Variants in ANKS1B observed in about 807,000 individuals in gnomAD.
ANKS1B encodes ankyrin repeat and sterile alpha motif domain containing 1B, also known as ankyrin repeat and sterile alpha motif domain-containing protein 1B.
In ANKS1B, 36 loss-of-function variants were observed where a neutral mutation model predicts 148.3. That is an observed-to-expected ratio of 0.24 (90% CI 0.19 to 0.32). The LOEUF is 0.32. Among genes scored for constraint, ANKS1B ranks in the 10% least tolerant of loss-of-function variants. The pLI is 1.00. For missense variants in ANKS1B, 1,157 were observed against 1,542.6 expected, an observed-to-expected ratio of 0.75 and a Z score of 4.19; for synonymous variants, 542 against 560.8, an observed-to-expected ratio of 0.97 and a Z score of 0.47.
At chr12:98,881,853 C>T (rs2099708891) in intron 17 of ANKS1B, among the ~76,000 whole-genome samples, 1 of 151,944 alleles carries the variant, frequency 6.6e-6, no homozygotes, top group Non-Finnish European at 1.5e-5. Context: ...CTAGATTTAC[C>T]AGTGTAAGTG....
chr12:99,971,606 CA>C (rs200612388), intron 1 of ANKS1B, among the ~76,000 whole-genome samples: 433 of 109,014 alleles, frequency 4.0e-3, no homozygotes, highest in Non-Finnish European at 4.6e-3. Context: ...TAATTCAGGC[CA>C]AAAAAAAAAA....
At chr12:99,613,135 C>T (rs951120309) in intron 9 of ANKS1B, among the ~76,000 whole-genome samples, 3 of 152,112 alleles carry the variant, frequency 2.0e-5, no homozygotes, top group African/African-American at 7.2e-5. Flanking sequence ...GGCTAATCTT[C>T]AAGTAATTTC....
At chr12:99,463,394 T>C (rs1189901084) in intron 10 of ANKS1B, among the ~76,000 whole-genome samples, 1 of 152,224 alleles carries the variant, frequency 6.6e-6, no homozygotes, top group Non-Finnish European at 1.5e-5. Flanking sequence ...CATTTCCATC[T>C]GAGGTACCGG....
At chr12:99,064,274 AG>A (rs1470151799) in intron 16 of ANKS1B, among the ~76,000 whole-genome samples, 12 of 152,264 alleles carry the variant, frequency 7.9e-5, no homozygotes, top group Admixed American at 2.0e-4. Context: ...AAATGAATTA[AG>A]GTCTATTCCA....
chr12:99,603,710 A>G (rs1050529046), intron 9 of ANKS1B, among the ~76,000 whole-genome samples: 2 of 152,192 alleles, frequency 1.3e-5, no homozygotes, highest in South Asian at 2.1e-4. Flanking sequence ...TTACAAAGTT[A>G]TACTTTACCA....
At chr12:98,976,654 T>A (rs2099896691) in intron 17 of ANKS1B, 2 of 152,118 alleles carry the variant, frequency 1.3e-5, no homozygotes. Flanking sequence ...AGCAGATGCA[T>A]TTCCAGATAA....
chr12:99,255,796 TAATTG>T (rs1014423589), intron 12 of ANKS1B, among the ~76,000 whole-genome samples: 3 of 152,166 alleles, frequency 2.0e-5, no homozygotes, highest in Non-Finnish European at 4.4e-5. Context: ...TAATTTAACT[TAATTG>T]AATTATTTTT....
chr12:98,851,654 T>G (rs957269529), intron 17 of ANKS1B, among the ~76,000 whole-genome samples: 2 of 152,092 alleles, frequency 1.3e-5, no homozygotes, highest in Non-Finnish European at 2.9e-5. Context: ...GTAAAGTGCT[T>G]GGAAAGATGT....
chr12:99,427,885 C>T (rs1005259876), intron 11 of ANKS1B, among the ~76,000 whole-genome samples: 4 of 152,014 alleles, frequency 2.6e-5, no homozygotes, highest in African/African-American at 7.3e-5. Flanking sequence ...TAGACTGTAT[C>T]GGAAAGGGTG....
rs76290593 is a variant in ANKS1B at position 99,220,935 on chromosome 12, A to T, written c.2419+23407T>A. Among the ~76,000 whole-genome samples the T allele has an allele frequency of 3.0e-3, 451 of 152,338 alleles. 3 individuals are homozygous for T. The highest frequency in any genetic ancestry group is 0.01 in the African/African-American group (422 of 41,588). On this transcript the variant is annotated intron_variant, in intron 14 of 26. Coordinates refer to ENST00000683438, the MANE Select transcript of ANKS1B (RefSeq NM_001352186.2). ...AAAAGTACTAGAAGAAATTATAATA[A>T]GATTCTTATATAATCTGGAAGTGAG...
rs559151282 is a variant in ANKS1B, at chr12:99,702,733, C to CAGAGTTTCCCTATGTTGCCTAGAGGT, written c.1129-47524_1129-47523insACCTCTAGGCAACATAGGGAAACTCT. Among the ~76,000 whole-genome samples the CAGAGTTTCCCTATGTTGCCTAGAGGT allele has an allele frequency of 1.5e-3, 222 of 149,036 alleles. 6 individuals are homozygous for CAGAGTTTCCCTATGTTGCCTAGAGGT. In the East Asian group the frequency reaches 0.041, roughly 27 times the overall value. On this transcript the variant is annotated intron_variant, in intron 8 of 26. Coordinates refer to ENST00000683438, the MANE Select transcript of ANKS1B (RefSeq NM_001352186.2). ...AATTTTTTTTTTTTTTTTGTAGAGG[C>CAGAGTTTCCCTATGTTGCCTAGAGGT]AGAGTTTCCCTATGTTGCCTAGGCT...
At chr12:99,713,223 T>C (rs1454138981) in intron 8 of ANKS1B, among the ~76,000 whole-genome samples, 2 of 152,134 alleles carry the variant, frequency 1.3e-5, no homozygotes, top group African/African-American at 4.8e-5. Flanking sequence ...TCAAACACTT[T>C]TCTGTGTGAT....
chr12:98,770,863 G>A (rs759503002), intron 25 of ANKS1B, among the ~76,000 whole-genome samples: 1 of 152,104 alleles, frequency 6.6e-6, no homozygotes, highest in Non-Finnish European at 1.5e-5. Context: ...GGCCTCTCAC[G>A]AATATATGAA....
At chr12:99,685,407 C>A (rs368391969) in intron 8 of ANKS1B, among the ~76,000 whole-genome samples, 4 of 152,068 alleles carry the variant, frequency 2.6e-5, no homozygotes, top group Non-Finnish European at 5.9e-5. Flanking sequence ...AGAAGAATGG[C>A]CATAATTAAA....
intron 10 of ANKS1B, among the ~76,000 whole-genome samples, chr12:99,451,875 T>C (rs755134343): frequency 2.0e-5 from 3 of 152,138 alleles, no homozygotes; most frequent in Non-Finnish European, 4.4e-5. Flanking sequence ...ATTACTATTA[T>C]TATCAGATAT....
intron 12 of ANKS1B, among the ~76,000 whole-genome samples, chr12:99,313,967 G>A (rs969921119): frequency 6.6e-6 from 1 of 152,148 alleles, no homozygotes; most frequent in Non-Finnish European, 1.5e-5. Flanking sequence ...AGGAAGAGAG[G>A]AAGTCAAATT....
At chr12:99,830,874 T>C (rs548426234) in intron 1 of ANKS1B, among the ~76,000 whole-genome samples, 92 of 152,310 alleles carry the variant, frequency 6.0e-4, no homozygotes, top group Admixed American at 3.8e-3. Flanking sequence ...CTTATGACTG[T>C]TGCATTTGAA....
intron 17 of ANKS1B, among the ~76,000 whole-genome samples, chr12:98,968,501 C>A (rs1423793760): frequency 6.6e-6 from 1 of 152,140 alleles, no homozygotes; most frequent in African/African-American, 2.4e-5. Context: ...GTCAGGAAGG[C>A]AGGCAGGGTA....
At chr12:98,743,003 T>G (rs1301198842), downstream of ANKS1B, among the ~76,000 whole-genome samples, 11 of 152,216 alleles carry the variant, frequency 7.2e-5, no homozygotes, top group Non-Finnish European at 4.4e-5. Flanking sequence ...AGAAAGTTAT[T>G]TTTTTTAAAA....
Sources: allele counts gnomAD v4.1 joint callset (sites outside exome capture counted in the v4.1 genomes callset), GRCh38; gene constraint gnomAD v4.1.1; transcripts MANE v1.5; gene names NCBI Gene and HGNC (gene_info 2026-07-23, HGNC 2026-07-21).